PCDHGB5: variants seen among roughly 807,000 people sequenced by gnomAD.
The protein encoded by PCDHGB5 is protocadherin gamma-B5.
Under a neutral mutation model 62.9 loss-of-function variants are expected in PCDHGB5, and 48 were observed. The observed-to-expected ratio is 0.76, with a 90% CI of 0.61 to 0.97. The LOEUF (loss-of-function observed/expected upper bound fraction) is 0.97. PCDHGB5 is among the 50% of genes least tolerant of loss of function. PCDHGB5 has a pLI of 0.00. For synonymous variants in PCDHGB5, 474 were observed against 511.2 expected, an observed-to-expected ratio of 0.93 and a Z score of 0.98; for missense variants, 1,118 against 1,198.6, an observed-to-expected ratio of 0.93 and a Z score of 0.99.
At chr5:141,455,686 G>A (rs1282071031) in intron 1 of PCDHGB5, among the ~76,000 whole-genome samples, 1 of 152,094 alleles carries the variant, frequency 6.6e-6, no homozygotes. Context: ...AAGGCTGTGG[G>A]AATCGCCAAG....
chr5:141,399,144 T>G lies in PCDHGB5; in HGVS notation c.1017T>G (p.Asn339Lys). The G allele has an allele frequency of 6.2e-7, 1 of 1,613,728 alleles. No homozygotes were observed. Reference sequence around the variant, plus strand: ...TTAATATTCAAGATGAAAATGACAATAGCCCAGAAGTTACATTCCATTCTC... The same window carrying G: ...TTAATATTCAAGATGAAAATGACAAGAGCCCAGAAGTTACATTCCATTCTC... ...VEINIQDEND[N>K]SPEVTFHSLL... The change falls in exon 1 of 4, where the codon AAT (asparagine) becomes AAG (lysine). Residue 339 changes from asparagine to lysine, a missense_variant. This residue lies in a region of PCDHGB5 where 1,034 missense variants were observed against 1,029.1 expected (regional missense o/e 1.00). Coordinates refer to ENST00000617380, the MANE Select transcript of PCDHGB5 (RefSeq NM_018925.3).
intron 1 of PCDHGB5, among the ~76,000 whole-genome samples, chr5:141,469,232 A>AC (rs1350524557): frequency 2.0e-5 from 3 of 151,722 alleles, no homozygotes; most frequent in Non-Finnish European, 4.4e-5. Flanking sequence ...AGCCATGATC[A>AC]CCCCACTGCA....
chr5:141,458,933 A>G (rs920768063), intron 1 of PCDHGB5, among the ~76,000 whole-genome samples: 3 of 151,912 alleles, frequency 2.0e-5, no homozygotes, highest in Admixed American at 6.6e-5. Flanking sequence ...GGGTCTCACT[A>G]TGTTGCTTAG....
intron 1 of PCDHGB5, among the ~76,000 whole-genome samples, chr5:141,445,892 T>C (rs2154561169): frequency 6.6e-6 from 1 of 152,346 alleles, no homozygotes; most frequent in African/African-American, 2.4e-5. Context: ...TTAGGAGCTA[T>C]TAAAATATTT....
rs576318312 is a variant in PCDHGB5, at chr5:141,410,171, A to G, written c.2397+9647A>G. On this transcript the variant is annotated intron_variant, in intron 1 of 3. Coordinates refer to ENST00000617380, the MANE Select transcript of PCDHGB5 (RefSeq NM_018925.3). ...CGGTGGACAGCCGCCACTCTCTGCCACCGCCACGCTTCATCTGGTCTTCGC... is the reference window on the plus strand; with the variant it reads ...CGGTGGACAGCCGCCACTCTCTGCCGCCGCCACGCTTCATCTGGTCTTCGC... 181 of 1,613,780 alleles carry G rather than the reference A, an allele frequency of 1.1e-4. 1 individual carries two copies. The East Asian group carries it at 4.0e-3, about 36-fold the overall frequency.
At chr5:141,411,732 A>C (rs1437829295) in intron 1 of PCDHGB5, 4 of 152,694 alleles carry the variant, frequency 2.6e-5, no homozygotes, top group African/African-American at 9.7e-5. Flanking sequence ...ACATTTAAAA[A>C]TTAGCAGGGT....
intron 1 of PCDHGB5, chr5:141,408,522 A>C: frequency 1.2e-6 from 2 of 1,614,026 alleles, no homozygotes; most frequent in Non-Finnish European, 1.7e-6. Flanking sequence ...TTGCAATTGG[A>C]AGCTGTGGTG....
At chr5:141,456,723 G>A (rs1005891499) in intron 1 of PCDHGB5, among the ~76,000 whole-genome samples, 3 of 152,196 alleles carry the variant, frequency 2.0e-5, no homozygotes, top group Admixed American at 6.5e-5. Flanking sequence ...CCAGCACTTT[G>A]GGAGGCTGAG....
At chr5:141,408,202 G>C (rs778320550) in intron 1 of PCDHGB5, 8 of 1,549,950 alleles carry the variant, frequency 5.2e-6, no homozygotes, top group South Asian at 3.6e-5. Context: ...CCGAGCGAAC[G>C]ATGGGAGGGA....
At chr5:141,498,796 G>C (rs1160540093) in intron 2 of PCDHGB5, among the ~76,000 whole-genome samples, 1 of 152,032 alleles carries the variant, frequency 6.6e-6, no homozygotes, top group African/African-American at 2.4e-5. Context: ...AGCCAGGTGT[G>C]GTGGTGCACA....
chr5:141,505,742 G>A (rs1024914690), intron 3 of PCDHGB5, among the ~76,000 whole-genome samples: 1 of 152,150 alleles, frequency 6.6e-6, no homozygotes, highest in Non-Finnish European at 1.5e-5. Flanking sequence ...TACAAGTCTA[G>A]CTCTGGAATG....
In PCDHGB5 at chr5:141,486,819, T is replaced by TG; in HGVS notation, c.2398-7988_2398-7987insG. 6.2e-7 allele frequency: 1 copy of TG among 1,614,212 alleles called. No homozygotes were observed. Among genetic ancestry groups the TG allele is most frequent in the Non-Finnish European group, 8.5e-7 (1 of 1,180,034 alleles). On this transcript the variant is annotated intron_variant, in intron 1 of 3. Coordinates refer to ENST00000617380, the MANE Select transcript of PCDHGB5 (RefSeq NM_018925.3). The surrounding 1 kb of genome is among the most constrained non-coding windows in gnomAD (Gnocchi z 5.0). ...GGCAACCCACCCCTTAGCAGCACTG[T>TG]AACAGTTCGTCTATTTGTGCTGGAC...
Position 141,399,075 on chromosome 5 carries a change from A to C in PCDHGB5, c.948A>C (p.Glu316Asp), listed in dbSNP as rs759361503. ...CCAAGGAATATTCAATGGTTGTAGA[A>C]GGGAGGGATGGTGGTGGACTGGTTG... ...EETKEYSMVV[E>D]GRDGGGLVAQ... The change falls in exon 1 of 4, where the codon GAA becomes GAC. Residue 316 changes from glutamate (E) to aspartate (D), a missense_variant. Physicochemically the swap from Glu to Asp is conservative, Grantham distance 45 (BLOSUM62 2). Coordinates refer to ENST00000617380, the MANE Select transcript of PCDHGB5 (RefSeq NM_018925.3). 1 of 1,613,868 alleles carries C rather than the reference A, an allele frequency of 6.2e-7. No homozygotes were observed. The highest frequency in any genetic ancestry group is 8.5e-7 in the Non-Finnish European group (1 of 1,179,878).
intron 1 of PCDHGB5, among the ~76,000 whole-genome samples, chr5:141,406,166 G>A (rs778809031): frequency 1.6e-4 from 24 of 151,400 alleles, no homozygotes; most frequent in Non-Finnish European, 3.2e-4. Context: ...TCAATCTCCT[G>A]GGCTTATGCA....
At position 141,399,613 on chromosome 5, in the gene PCDHGB5, G is replaced by A; in HGVS notation, c.1486G>A (p.Ala496Thr). The A allele has an allele frequency of 6.2e-7, 1 of 1,613,928 alleles. No homozygotes were observed. Among genetic ancestry groups the A allele is most frequent in the Non-Finnish European group, 8.5e-7 (1 of 1,179,868 alleles). Residue 496 changes from alanine to threonine, a missense_variant, in exon 1 of 4, where the codon GCA becomes ACA. Physicochemically the swap from Ala to Thr is moderately conservative, Grantham distance 58. Around this residue, in one of 2 missense-constraint regions of PCDHGB5, gnomAD observed 1,034 missense variants for 1,029.1 expected, o/e 1.00. Coordinates refer to ENST00000617380, the MANE Select transcript of PCDHGB5 (RefSeq NM_018925.3). ...SIMASDLEPL[A>T]LASYVSMSAQ... ...CATGGCCAGCGACCTAGAGCCTCTG[G>A]CACTGGCCTCTTACGTGTCCATGAG... is the stretch of plus-strand genomic sequence containing the variant.
intron 1 of PCDHGB5, chr5:141,413,841 T>A: frequency 6.2e-7 from 1 of 1,613,060 alleles, no homozygotes; most frequent in Non-Finnish European, 8.5e-7. Flanking sequence ...CCGACGGGGG[T>A]GACCCTCTCC....
At chr5:141,418,077 T>G (rs770464447) in intron 1 of PCDHGB5, 4 of 1,613,914 alleles carry the variant, frequency 2.5e-6, no homozygotes, top group African/African-American at 1.3e-5. Context: ...GCGGAGAAGC[T>G]GCACTTCAGC....
At chr5:141,410,340 T>C (rs1408707323) in intron 1 of PCDHGB5, 5 of 1,614,068 alleles carry the variant, frequency 3.1e-6, no homozygotes, top group Non-Finnish European at 2.5e-6. Context: ...GCCATTGCCT[T>C]GCGCCTGCGA....
intron 1 of PCDHGB5, chr5:141,433,007 C>T (rs550227016): frequency 1.2e-6 from 2 of 1,614,198 alleles, no homozygotes; most frequent in Admixed American, 3.3e-5. Context: ...GCAGGCTTTC[C>T]TGCAGACCTA....
Sources: allele counts gnomAD v4.1 joint callset (sites outside exome capture counted in the v4.1 genomes callset), GRCh38; gene constraint gnomAD v4.1.1; regional missense constraint gnomAD v4.1.1; non-coding constraint Gnocchi (gnomAD v3.1); transcripts MANE v1.5; gene names NCBI Gene and HGNC (gene_info 2026-07-23, HGNC 2026-07-21).